The following SYN3 variants were observed in gnomAD, a reference collection of about 807,000 sequenced individuals.
SYN3 encodes the protein synapsin III, also known as synapsin-3.
In SYN3, 35 loss-of-function variants were observed where a neutral mutation model predicts 65.8. That is an observed-to-expected ratio of 0.53 (90% CI 0.41 to 0.70). The LOEUF is 0.70. Ranked by LOEUF, SYN3 falls within the 30% of genes least tolerant of loss-of-function variation. The pLI is 0.00. For missense variants in SYN3, 680 were observed against 749.0 expected (o/e 0.91, Z 1.08); for synonymous variants, 270 against 292.9 (o/e 0.92, Z 0.80).
chr22:32,745,822 A>G (rs761918546), intron 6 of SYN3, among the ~76,000 whole-genome samples: 1 of 152,152 alleles, frequency 6.6e-6, no homozygotes, highest in Non-Finnish European at 1.5e-5. Context: ...TAGAGGCAGA[A>G]AGCCAGGAAG....
At chr22:32,552,661 G>A (rs1349619738) in intron 7 of SYN3, among the ~76,000 whole-genome samples, 4 of 152,140 alleles carry the variant, frequency 2.6e-5, no homozygotes, top group Non-Finnish European at 5.9e-5. Flanking sequence ...ACTTTGATCA[G>A]TAACATGATT....
At chr22:32,539,715 C>T (rs974712817) in intron 8 of SYN3, among the ~76,000 whole-genome samples, 3 of 151,262 alleles carry the variant, frequency 2.0e-5, no homozygotes, top group East Asian at 2.0e-4. Flanking sequence ...CCAGGAAACT[C>T]GGTAAGTAAT....
At chr22:32,526,668 A>G (rs1261681718) in intron 12 of SYN3, among the ~76,000 whole-genome samples, 2 of 152,012 alleles carry the variant, frequency 1.3e-5, no homozygotes, top group African/African-American at 2.4e-5. Context: ...GGTGCACACC[A>G]CCACCACATC....
Position 32,928,588 on chromosome 22 carries a change from C to T in SYN3, c.461+2802G>A, listed in dbSNP as rs1275944830. Among the ~76,000 whole-genome samples, 45 of 152,198 alleles carry T rather than the reference C, an allele frequency of 3.0e-4. 1 individual carries two copies. Among genetic ancestry groups the T allele is most frequent in the Admixed American group, 2.9e-3 (45 of 15,282 alleles). On this transcript the variant is annotated intron_variant, in intron 4 of 13. Transcript: ENST00000358763. Reference sequence around the variant, plus strand: ...CAAACCATTGTAAATTGGGGACCATCTGTAATCTGCCTTTTTTCCTCTGGC... The same window carrying T: ...CAAACCATTGTAAATTGGGGACCATTTGTAATCTGCCTTTTTTCCTCTGGC...
intron 4 of SYN3, among the ~76,000 whole-genome samples, chr22:32,903,574 G>T (rs1188354230): frequency 6.6e-6 from 1 of 152,282 alleles, no homozygotes; most frequent in Middle Eastern, 3.4e-3. Context: ...CATGCGCTTC[G>T]CACATCAGCA....
chr22:32,914,693 C>T (rs926169401), intron 4 of SYN3, among the ~76,000 whole-genome samples: 1 of 152,068 alleles, frequency 6.6e-6, no homozygotes, highest in Admixed American at 6.6e-5. Flanking sequence ...CCGCCCGCCT[C>T]GGCCTCCCAA....
Position 32,508,301 on chromosome 22 carries a change from AC to A in SYN3, c.*5390del, listed in dbSNP as rs201152088. Among the ~76,000 whole-genome samples the A allele has an allele frequency of 1.5e-3, 226 of 151,718 alleles. 5 individuals carry two copies. In the East Asian group the frequency reaches 0.036, roughly 24 times the overall value. The stretch of plus-strand genomic sequence containing the variant: ...AAGCTCCCGCACTGAGCACCTTGTG[AC>A]CCCCGCCCCTGCCCACCAGAGAACA... On this transcript the variant is annotated 3_prime_UTR_variant, in exon 14 of 14. Transcript: ENST00000358763.
intron 6 of SYN3, among the ~76,000 whole-genome samples, chr22:32,755,455 A>G (rs968339435): frequency 3.3e-5 from 5 of 152,198 alleles, no homozygotes; most frequent in African/African-American, 9.6e-5. Context: ...GGCTCCCATG[A>G]TGATGGAGAA....
intron 6 of SYN3, among the ~76,000 whole-genome samples, chr22:32,612,235 A>G (rs2059455144): frequency 6.6e-6 from 1 of 152,256 alleles, no homozygotes; most frequent in African/African-American, 2.4e-5. Context: ...AAATTATCAA[A>G]TATGAGCAGG....
intron 7 of SYN3, among the ~76,000 whole-genome samples, chr22:32,593,824 A>T (rs1332011932): frequency 6.6e-6 from 1 of 152,046 alleles, no homozygotes; most frequent in African/African-American, 2.4e-5. Context: ...GCACTCAGGG[A>T]TCGTGTGCAG....
chr22:32,513,481 G>C lies in SYN3; in HGVS notation c.*211C>G. ...TTTGAGGAACCTGGAGGCTCTCAAA[G>C]GCCCACCTCACAGTCAGACAATGCT... is the stretch of plus-strand genomic sequence containing the variant. On this transcript the variant is annotated 3_prime_UTR_variant, in exon 14 of 14. Coordinates refer to ENST00000358763, the MANE Select transcript of SYN3 (RefSeq NM_003490.4). The C allele has an allele frequency of 1.7e-6, 1 of 599,222 alleles. No individual in the cohort carries two copies. The highest frequency in any genetic ancestry group is 2.7e-6 in the Non-Finnish European group (1 of 374,446). The allele number at this position is 599,222 out of a possible 1,614,324, so 37.1% of individuals were successfully genotyped here.
intron 4 of SYN3, among the ~76,000 whole-genome samples, chr22:32,905,097 G>A (rs972844642): frequency 5.3e-5 from 8 of 152,048 alleles, no homozygotes; most frequent in East Asian, 3.9e-4. Flanking sequence ...AGTCTCTTGC[G>A]AGCTCGAATT....
chr22:32,842,487 T>C (rs752870468), intron 6 of SYN3, among the ~76,000 whole-genome samples: 1 of 152,162 alleles, frequency 6.6e-6, no homozygotes, highest in Non-Finnish European at 1.5e-5. Flanking sequence ...CCTGGGGGGA[T>C]GAGGAAATGC....
chr22:32,869,256 G>A, intron 4 of SYN3, 131 bp from the exon 5 acceptor site: 1 of 865,348 alleles, frequency 1.2e-6, no homozygotes, highest in South Asian at 1.7e-5. Flanking sequence ...GGAGCAGGTG[G>A]GGGATGAGGG....
At chr22:32,807,434 A>G in intron 6 of SYN3, among the ~76,000 whole-genome samples, 1 of 132,976 alleles carries the variant, frequency 7.5e-6, no homozygotes, top group East Asian at 2.0e-4. Context: ...TATATATATA[A>G]TATATATATT....
intron 6 of SYN3, among the ~76,000 whole-genome samples, chr22:32,680,694 T>A (rs2060511254): frequency 6.6e-6 from 1 of 152,186 alleles, no homozygotes; most frequent in Non-Finnish European, 1.5e-5. Flanking sequence ...TTGTTCAGAG[T>A]TGTAAATTTC....
intron 6 of SYN3, among the ~76,000 whole-genome samples, chr22:32,598,780 G>A (rs5749469): frequency 0.084 from 12,748 of 151,716 alleles, 925 homozygotes; most frequent in East Asian, 0.38. Context: ...AAACCACTGC[G>A]CCCAGCCATA....
At chr22:32,968,717 A>T (rs574291041) in intron 3 of SYN3, among the ~76,000 whole-genome samples, 2 of 152,282 alleles carry the variant, frequency 1.3e-5, no homozygotes, top group Non-Finnish European at 2.9e-5. Context: ...CCCCAAACCC[A>T]GCTGCACATC....
intron 6 of SYN3, among the ~76,000 whole-genome samples, chr22:32,727,124 C>A (rs1171927969): frequency 6.6e-6 from 1 of 152,122 alleles, no homozygotes; most frequent in Non-Finnish European, 1.5e-5. Context: ...ATTGTTCCTG[C>A]AGCTCTCCCT....
Sources: allele counts gnomAD v4.1 joint callset (sites outside exome capture counted in the v4.1 genomes callset), GRCh38; gene constraint gnomAD v4.1.1; transcripts MANE v1.5; gene names NCBI Gene and HGNC (gene_info 2026-07-23, HGNC 2026-07-21).